Variants in KLHDC2 observed in about 807,000 individuals in gnomAD.
The protein encoded by KLHDC2 is kelch domain-containing protein 2.
KLHDC2 carries 38 observed loss-of-function variants against 62.3 expected under a neutral mutation model. The observed-to-expected ratio is 0.61, with a 90% CI of 0.47 to 0.80. KLHDC2 has a LOEUF of 0.80. Among genes scored for constraint, KLHDC2 ranks in the 30% least tolerant of loss-of-function variants. The pLI is 0.00. For missense variants in KLHDC2, 430 were observed against 495.3 expected, an observed-to-expected ratio of 0.87 and a Z score of 1.25; for synonymous variants, 159 against 161.0, an observed-to-expected ratio of 0.99 and a Z score of 0.09.
chr14:49,782,870 G>A lies in KLHDC2; in HGVS notation c.1138G>A (p.Ala380Thr). The A allele has an allele frequency of 6.2e-7, 1 of 1,613,804 alleles. No individual in the cohort carries two copies. The highest frequency in any genetic ancestry group is 1.1e-5 in the South Asian group (1 of 91,054). ...AGTCATTTGCTTTAAAGAAATGTTA[G>A]CCAACTCATGGAACTGCCTTCCAAA... ...EAVICFKEML[A>T]NSWNCLPKHL... The change falls in exon 13 of 13, where the codon GCC becomes ACC. Residue 380 changes from alanine (A) to threonine (T), a missense_variant. Transcript: ENST00000298307.
Position 49,785,349 on chromosome 14 carries a change from G to A in KLHDC2, c.*2396G>A, listed in dbSNP as rs755579370. ...AAAAGGGAAAATAACAGTTACAAAGGCAATTTATACCGCCCTTTACAAAAA... is the reference window on the plus strand; with the variant it reads ...AAAAGGGAAAATAACAGTTACAAAGACAATTTATACCGCCCTTTACAAAAA... On this transcript the variant is annotated 3_prime_UTR_variant, in exon 13 of 13. Coordinates refer to ENST00000298307, the MANE Select transcript of KLHDC2 (RefSeq NM_014315.3). 3.3e-6 allele frequency: 5 copies of A among 1,493,380 alleles called. No individual in the cohort carries two copies. Among genetic ancestry groups the A allele is most frequent in the Non-Finnish European group, 4.7e-6 (5 of 1,070,388 alleles). 92.5% of individuals were successfully genotyped at this position (1,493,380 alleles called of 1,614,324 possible).
In KLHDC2 at chr14:49,768,527, G is replaced by A; in HGVS notation, c.59G>A (p.Ser20Asn). 6.2e-7 allele frequency: 1 copy of A among 1,611,412 alleles called. No individual in the cohort carries two copies. The highest frequency in any genetic ancestry group is 8.5e-7 in the Non-Finnish European group (1 of 1,179,086). The change falls in exon 1 of 13, where the codon AGC becomes AAC. Residue 20 changes from serine (S) to asparagine (N), a missense_variant. Coordinates refer to ENST00000298307, the MANE Select transcript of KLHDC2 (RefSeq NM_014315.3). ...ADDLPGPAFE[S>N]YESMELACPA... is the part of the protein sequence containing the mutation. ...GACTTGCCTGGGCCAGCCTTCGAGA[G>A]CTATGAGTCCATGGAGCTTGCCTGC...
intron 1 of KLHDC2, among the ~76,000 whole-genome samples, chr14:49,769,983 C>T (rs1191413517): frequency 5.2e-5 from 2 of 38,348 alleles, no homozygotes; most frequent in African/African-American, 9.6e-5. Flanking sequence ...AGAAGGGGGG[C>T]GGGGGGGCAA....
chr14:49,784,836 C>A lies in KLHDC2; in HGVS notation c.*1883C>A, dbSNP rs905237405. ...GATGGTTTTACTGCTTCTAATAAGA[C>A]AGCATTTTCTACTAAAATAACAAAA... On this transcript the variant is annotated 3_prime_UTR_variant, in exon 13 of 13. Transcript: ENST00000298307. 1 of 1,401,798 alleles carries A rather than the reference C, an allele frequency of 7.1e-7. No individual in the cohort carries two copies. The highest frequency in any genetic ancestry group is 1.0e-6 in the Non-Finnish European group (1 of 998,298). The allele number at this position is 1,401,798 out of a possible 1,614,324, so 86.8% of individuals were successfully genotyped here. A position where few individuals can be genotyped will look rare whatever the true frequency, so the allele number is the denominator to read the frequency against.
Position 49,786,147 on chromosome 14 carries a change from C to G in KLHDC2, c.*3194C>G, listed in dbSNP as rs530475628. The G allele has an allele frequency of 2.0e-5, 3 of 153,066 alleles. No homozygotes were observed. The highest frequency in any genetic ancestry group is 4.4e-5 in the Non-Finnish European group (3 of 68,774). 9.5% of individuals were successfully genotyped at this position (153,066 alleles called of 1,614,324 possible). ...AATAGGTAGGGGCTGCTACTGGGAT[C>G]TAGTGGGTAAAGGCCGAGGATGTCG... On this transcript the variant is annotated 3_prime_UTR_variant, in exon 13 of 13. Coordinates refer to ENST00000298307, the MANE Select transcript of KLHDC2 (RefSeq NM_014315.3).
rs1890064942 is a variant in KLHDC2, at chr14:49,784,500, C to A, written c.*1547C>A. The A allele has an allele frequency of 3.2e-6, 2 of 618,502 alleles. No homozygotes were observed. Among genetic ancestry groups the A allele is most frequent in the East Asian group, 5.6e-5 (2 of 35,414 alleles). The allele number at this position is 618,502 out of a possible 1,614,324, so 38.3% of individuals were successfully genotyped here. A position where few individuals can be genotyped will look rare whatever the true frequency, so the allele number is the denominator to read the frequency against. ...ACTGGGAAAAAACAAGAAGTAAGTC[C>A]TTTTGGTGAATATAGCAAGGCAATG... is the stretch of plus-strand genomic sequence containing the variant. On this transcript the variant is annotated 3_prime_UTR_variant, in exon 13 of 13. Transcript: ENST00000298307.
chr14:49,768,589 G>T lies in KLHDC2; in HGVS notation c.121G>T (p.Gly41Trp), dbSNP rs746971566. The change falls in exon 1 of 13, where the codon GGG (glycine) becomes TGG (tryptophan). Residue 41 changes from glycine to tryptophan, a missense_variant. Physicochemically the swap from Gly to Trp is radical, Grantham distance 184. Transcript: ENST00000298307. ...ERSGHVAVSDGRHMFVWGGYK... is the reference protein window; with the variant it reads ...ERSGHVAVSDWRHMFVWGGYK... ...CAGCGGCCACGTAGCCGTCAGCGAC[G>T]GGCGCCACATGTTCGTCTGGGGCGG... 1 of 1,603,064 alleles carries T rather than the reference G, an allele frequency of 6.2e-7. No homozygotes were observed.
At chr14:49,782,118 G>A in intron 10 of KLHDC2, 1 of 445,184 alleles carries the variant, frequency 2.2e-6, no homozygotes, top group East Asian at 3.6e-5. Flanking sequence ...AAGACCTAGA[G>A]AACAGATCGT....
chr14:49,779,877 T>TATCC (rs1170684465), intron 8 of KLHDC2, 71 bp downstream of exon 8: 34 of 1,038,440 alleles, frequency 3.3e-5, no homozygotes, highest in Middle Eastern at 6.1e-4. Context: ...ACTATTGGTA[T>TATCC]ATAATGTCCT....
In KLHDC2 at chr14:49,784,296, G is replaced by T. The variant is rs1594711856; in HGVS notation, c.*1343G>T. 3 of 186,080 alleles carry T rather than the reference G, an allele frequency of 1.6e-5. No homozygotes were observed. In the Middle Eastern group the frequency reaches 6.9e-3, roughly 431 times the overall value. 11.5% of individuals were successfully genotyped at this position (186,080 alleles called of 1,614,324 possible). A position where few individuals can be genotyped will look rare whatever the true frequency, so the allele number is the denominator to read the frequency against. On this transcript the variant is annotated 3_prime_UTR_variant, in exon 13 of 13. Transcript: ENST00000298307. ...ATACAGTAGACTTACCAAGTCAATAGTTTAAGCAATCAAGCCACTTCACTG... is the reference window on the plus strand; with the variant it reads ...ATACAGTAGACTTACCAAGTCAATATTTTAAGCAATCAAGCCACTTCACTG...
In KLHDC2 at chr14:49,768,626, GT is replaced by G; in HGVS notation, c.153+6del. On this transcript the variant is annotated splice_donor_region_variant and intron_variant, in intron 1 of 12. Coordinates refer to ENST00000298307, the MANE Select transcript of KLHDC2 (RefSeq NM_014315.3). ...TTCGTCTGGGGCGGCTACAAGGTCA[GT>G]GAGTGGCCGGGCCGCGACGGACGTC... 1 of 1,581,620 alleles carries G rather than the reference GT, an allele frequency of 6.3e-7. No homozygotes were observed. The highest frequency in any genetic ancestry group is 8.6e-7 in the Non-Finnish European group (1 of 1,165,688).
intron 1 of KLHDC2, among the ~76,000 whole-genome samples, 194 bp from the exon 2 acceptor site, chr14:49,771,400 T>A (rs115934141): frequency 0.016 from 2,431 of 152,102 alleles, 56 homozygotes; most frequent in African/African-American, 0.055. Flanking sequence ...AACTGCTGTA[T>A]CAAAATTCTG....
At chr14:49,775,209 T>C (rs181107139) in intron 3 of KLHDC2, among the ~76,000 whole-genome samples, 6 of 152,278 alleles carry the variant, frequency 3.9e-5, no homozygotes, top group Admixed American at 1.3e-4. Context: ...ACAGATTAAG[T>C]CAATCAGAAA....
Position 49,784,782 on chromosome 14 carries a change from A to T in KLHDC2, c.*1829A>T. 1 of 1,483,632 alleles carries T rather than the reference A, an allele frequency of 6.7e-7. No individual in the cohort carries two copies. The highest frequency in any genetic ancestry group is 9.3e-7 in the Non-Finnish European group (1 of 1,073,420). The allele number at this position is 1,483,632 out of a possible 1,614,324, so 91.9% of individuals were successfully genotyped here. A position where few individuals can be genotyped will look rare whatever the true frequency, so the allele number is the denominator to read the frequency against. On this transcript the variant is annotated 3_prime_UTR_variant, in exon 13 of 13. Transcript: ENST00000298307. ...CAATCATGTTTCTTTTATGACAAAA[A>T]CGAAAAACATTTCCAAACTTTTAGC...
rs1218905125 is a variant in KLHDC2, at chr14:49,785,378, C to T, written c.*2425C>T. ...TTTATACCGCCCTTTACAAAAAATG[C>T]TAAAACACTTGAATTAGTATCTCAA... On this transcript the variant is annotated 3_prime_UTR_variant, in exon 13 of 13. Coordinates refer to ENST00000298307, the MANE Select transcript of KLHDC2 (RefSeq NM_014315.3). 8.8e-7 allele frequency: 1 copy of T among 1,140,316 alleles called. No homozygotes were observed. The highest frequency in any genetic ancestry group is 1.3e-6 in the Non-Finnish European group (1 of 749,960). 70.6% of individuals were successfully genotyped at this position (1,140,316 alleles called of 1,614,324 possible). A position where few individuals can be genotyped will look rare whatever the true frequency, so the allele number is the denominator to read the frequency against.
intron 2 of KLHDC2, among the ~76,000 whole-genome samples, chr14:49,771,939 T>G (rs1409262214): frequency 6.6e-6 from 1 of 152,080 alleles, no homozygotes; most frequent in Non-Finnish European, 1.5e-5. Flanking sequence ...TGCAGTGAGC[T>G]GAGATCGAGC....
chr14:49,771,697 G>T, intron 2 of KLHDC2, 24 bp downstream of exon 2: 2 of 1,245,158 alleles, frequency 1.6e-6, no homozygotes, highest in South Asian at 1.2e-5. Context: ...TTATAAGGGG[G>T]ACTAAAAAAT....
At chr14:49,776,189 T>C (rs1430326238) in intron 3 of KLHDC2, among the ~76,000 whole-genome samples, 1 of 152,188 alleles carries the variant, frequency 6.6e-6, no homozygotes, top group Non-Finnish European at 1.5e-5. Flanking sequence ...GTGAGGCACA[T>C]CTATAGGCTA....
At position 49,768,645 on chromosome 14, in the gene KLHDC2, C is replaced by T. The variant is rs201322400; in HGVS notation, c.153+24C>T. 4.2e-4 allele frequency: 653 copies of T among 1,557,714 alleles called. 5 individuals carry two copies. The highest frequency in any genetic ancestry group is 7.1e-5 in the Non-Finnish European group (82 of 1,153,988). On this transcript the variant is annotated intron_variant, in intron 1 of 12. Coordinates refer to ENST00000298307, the MANE Select transcript of KLHDC2 (RefSeq NM_014315.3). ...AGGTCAGTGAGTGGCCGGGCCGCGA[C>T]GGACGTCGCTCGGCTGTGACTCGGG...
Sources: gnomAD v4.1 joint callset for allele counts (sites outside exome capture counted in the v4.1 genomes callset) on GRCh38, gnomAD v4.1.1 for gene constraint, MANE v1.5 for transcripts, NCBI Gene and HGNC (gene_info 2026-07-23, HGNC 2026-07-21) for gene names.